Variants in CPQ observed in about 807,000 individuals in gnomAD.
CPQ encodes the protein carboxypeptidase Q.
CPQ carries 37 observed loss-of-function variants against 45.7 expected under a neutral mutation model. That is an observed-to-expected ratio of 0.81 (90% CI 0.62 to 1.07). CPQ has a LOEUF of 1.07. CPQ is among the 50% of genes least tolerant of loss of function. The pLI is 0.00. For missense variants in CPQ, 537 were observed against 572.9 expected (o/e 0.94, Z 0.64); for synonymous variants, 186 against 205.8 (o/e 0.90, Z 0.82).
chr8:96,717,076 T>TATAC (rs1809690915), intron 1 of CPQ, among the ~76,000 whole-genome samples: 6 of 64,124 alleles, frequency 9.4e-5, no homozygotes, highest in African/African-American at 1.3e-4. Context: ...TATATATATA[T>TATAC]ACGTATATAT....
At chr8:96,991,326 G>T (rs913574537) in intron 5 of CPQ, among the ~76,000 whole-genome samples, 3 of 152,084 alleles carry the variant, frequency 2.0e-5, no homozygotes, top group African/African-American at 4.8e-5. Context: ...GGAGACCGAG[G>T]TGGGCCAATC....
intron 4 of CPQ, among the ~76,000 whole-genome samples, chr8:96,888,485 T>G (rs1309303888): frequency 6.6e-6 from 1 of 152,196 alleles, no homozygotes; most frequent in Non-Finnish European, 1.5e-5. Flanking sequence ...TTCTGTGTAC[T>G]GTTAAATAGC....
chr8:97,088,680 G>A (rs1369532092), intron 7 of CPQ, among the ~76,000 whole-genome samples: 1 of 152,146 alleles, frequency 6.6e-6, no homozygotes, highest in African/African-American at 2.4e-5. Flanking sequence ...CTCACTCTCT[G>A]TGTTGTCTTT....
chr8:96,986,431 T>C (rs572867258), intron 5 of CPQ, among the ~76,000 whole-genome samples: 77 of 152,344 alleles, frequency 5.1e-4, no homozygotes, highest in African/African-American at 1.8e-3. Flanking sequence ...TATTTATTCT[T>C]GCAGAATAGT....
At position 96,897,842 on chromosome 8, in the gene CPQ, T is replaced by G. The variant is rs369628667; in HGVS notation, c.849+17837T>G. Among the ~76,000 whole-genome samples the G allele has an allele frequency of 3.6e-4, 55 of 152,308 alleles. 1 individual carries two copies. In the East Asian group the frequency reaches 7.9e-3, roughly 22 times the overall value. On this transcript the variant is annotated intron_variant, in intron 4 of 7. Coordinates refer to ENST00000220763, the MANE Select transcript of CPQ (RefSeq NM_016134.4). ...TTGGTTGGTTTTTGCAGTAAATTGT[T>G]GAAGTCTTAGAAGGGGCGCATTCAG...
chr8:96,711,877 A>C (rs994915007), intron 1 of CPQ, among the ~76,000 whole-genome samples: 2 of 152,096 alleles, frequency 1.3e-5, no homozygotes, highest in Admixed American at 6.5e-5. Flanking sequence ...CAAAGTCTTA[A>C]CTCATTCCAA....
intron 1 of CPQ, among the ~76,000 whole-genome samples, chr8:96,738,160 C>T (rs1363455775): frequency 6.6e-6 from 1 of 151,922 alleles, no homozygotes; most frequent in African/African-American, 2.4e-5. Flanking sequence ...TTTTATAAAC[C>T]GTGTGTGCTT....
At chr8:97,103,011 A>G (rs1002628477) in intron 7 of CPQ, among the ~76,000 whole-genome samples, 4 of 152,064 alleles carry the variant, frequency 2.6e-5, no homozygotes, top group Non-Finnish European at 4.4e-5. Context: ...CCCTTCTTCC[A>G]TCTTCAAAGT....
At chr8:96,783,595 T>C (rs1439486853) in intron 1 of CPQ, among the ~76,000 whole-genome samples, 1 of 152,158 alleles carries the variant, frequency 6.6e-6, no homozygotes, top group Non-Finnish European at 1.5e-5. Context: ...CATTTCAACA[T>C]GAGTTTTGAA....
In CPQ at chr8:96,769,488, A is replaced by G. The variant is rs115941207; in HGVS notation, c.-34-15376A>G. ...TAGACCCCTGTTCTCCAGGGCAGCC[A>G]CCCTCATGGTCAGCCCAGCATCCTC... On this transcript the variant is annotated intron_variant, in intron 1 of 7. Transcript: ENST00000220763. Among the ~76,000 whole-genome samples, 1,205 of 152,198 alleles carry G rather than the reference A, an allele frequency of 7.9e-3. 18 individuals carry two copies. The highest frequency in any genetic ancestry group is 0.023 in the African/African-American group (940 of 41,512).
At chr8:96,876,250 T>G (rs1243394947) in intron 3 of CPQ, among the ~76,000 whole-genome samples, 3 of 152,028 alleles carry the variant, frequency 2.0e-5, no homozygotes, top group Non-Finnish European at 1.5e-5. Flanking sequence ...TGTAAGATCA[T>G]GTCACTCTTT....
At chr8:96,781,752 C>A (rs575632816) in intron 1 of CPQ, among the ~76,000 whole-genome samples, 1 of 152,252 alleles carries the variant, frequency 6.6e-6, no homozygotes, top group South Asian at 2.1e-4. Flanking sequence ...GAGGCAAATT[C>A]CCCTCTAGCT....
At chr8:96,712,581 C>T (rs1358361477) in intron 1 of CPQ, among the ~76,000 whole-genome samples, 1 of 152,228 alleles carries the variant, frequency 6.6e-6, no homozygotes, top group East Asian at 1.9e-4. Context: ...GGGCTTTGTG[C>T]TTGCACTCTC....
At chr8:96,846,221 T>G (rs918813656) in intron 3 of CPQ, among the ~76,000 whole-genome samples, 5 of 152,222 alleles carry the variant, frequency 3.3e-5, no homozygotes, top group African/African-American at 1.2e-4. Context: ...TTTAGCCTTT[T>G]TGGCAGATAT....
At chr8:96,706,145 T>C (rs909857241) in intron 1 of CPQ, among the ~76,000 whole-genome samples, 5 of 152,324 alleles carry the variant, frequency 3.3e-5, no homozygotes, top group Non-Finnish European at 5.9e-5. Context: ...CGTGTTTTAA[T>C]ACGTGATCTT....
chr8:96,967,667 A>G (rs954896150), intron 5 of CPQ, among the ~76,000 whole-genome samples: 2 of 152,196 alleles, frequency 1.3e-5, no homozygotes, highest in African/African-American at 4.8e-5. Flanking sequence ...TCTCCAAAAG[A>G]TTTCTGAAAG....
intron 3 of CPQ, among the ~76,000 whole-genome samples, chr8:96,876,734 A>T (rs1461423481): frequency 6.6e-6 from 1 of 152,166 alleles, no homozygotes; most frequent in Non-Finnish European, 1.5e-5. Context: ...ACATCAATTG[A>T]TTTTTGGATG....
chr8:96,739,158 T>G (rs1810040983), intron 1 of CPQ, among the ~76,000 whole-genome samples: 1 of 146,446 alleles, frequency 6.8e-6, no homozygotes, highest in African/African-American at 2.5e-5. Flanking sequence ...CCATTCTAAC[T>G]GGTGTGAGAT....
chr8:97,015,728 C>G (rs1310754228), intron 5 of CPQ, among the ~76,000 whole-genome samples: 1 of 151,998 alleles, frequency 6.6e-6, no homozygotes, highest in Non-Finnish European at 1.5e-5. Flanking sequence ...AAACTCAGTT[C>G]TATATTTCTA....
Sources: allele counts gnomAD v4.1 joint callset (sites outside exome capture counted in the v4.1 genomes callset), GRCh38; gene constraint gnomAD v4.1.1; transcripts MANE v1.5; gene names NCBI Gene and HGNC (gene_info 2026-07-23, HGNC 2026-07-21).